ERCC6: variants seen among roughly 807,000 people sequenced by gnomAD.
The protein encoded by ERCC6 is ERCC excision repair 6, chromatin remodeling factor.
Under a neutral mutation model 158.7 loss-of-function variants are expected in ERCC6, and 116 were observed. The ratio of observed to expected loss-of-function variants is 0.73; its 90% CI spans 0.63 to 0.85. ERCC6 has a LOEUF of 0.85. Ranked by LOEUF, ERCC6 falls within the 40% of genes least tolerant of loss-of-function variation. The probability of loss-of-function intolerance (pLI) is 0.00; values close to 1 mark genes in which losing one functional copy is unlikely to be tolerated. For synonymous variants in ERCC6, 678 were observed against 659.3 expected (o/e 1.03, Z -0.43); for missense variants, 1,698 against 1,799.4 (o/e 0.94, Z 1.02).
chr10:49,533,067 CA>C, intron 1 of ERCC6, 89 bp from the exon 2 acceptor site: 3 of 1,435,216 alleles, frequency 2.1e-6, no homozygotes, highest in Admixed American at 4.4e-5. Flanking sequence ...ACTGATTTCT[CA>C]AAAGATCAAG....
intron 1 of ERCC6, among the ~76,000 whole-genome samples, chr10:49,535,144 A>G (rs1412164606): frequency 6.6e-6 from 1 of 152,258 alleles, no homozygotes; most frequent in Non-Finnish European, 1.5e-5. Flanking sequence ...AGTCTAAAAT[A>G]ATAAAAAGTT....
At chr10:49,487,848 A>G (rs1038160279) in intron 8 of ERCC6, among the ~76,000 whole-genome samples, 1 of 152,272 alleles carries the variant, frequency 6.6e-6, no homozygotes, top group African/African-American at 2.4e-5. Context: ...ATTAACAAGA[A>G]TTAAAAAGAT....
chr10:49,493,384 G>A, intron 7 of ERCC6, 132 bp from the exon 8 acceptor site: 1 of 1,149,394 alleles, frequency 8.7e-7, no homozygotes. Flanking sequence ...GAAATTTATT[G>A]ATATTTTCTT....
chr10:49,446,245 ACACACACACACACC>A, the ERCC6 span, among the ~76,000 whole-genome samples: 10 of 134,708 alleles, frequency 7.4e-5, no homozygotes, highest in East Asian at 1.2e-3. Context: ...ACACACACAC[ACACACACACACACC>A]CCCCAATTTA....
the ERCC6 span, among the ~76,000 whole-genome samples, chr10:49,436,016 GAA>G: frequency 0.11 from 12,039 of 106,418 alleles, 569 homozygotes; most frequent in Non-Finnish European, 0.16. Context: ...AAGAAAGAAA[GAA>G]AAAAAAAAAA....
Position 49,493,189 on chromosome 10 carries a change from C to G in ERCC6, c.1749G>C (p.Lys583Asn). Residue 583 changes from lysine to asparagine, a missense_variant, in exon 8 of 21, where the codon AAG becomes AAC. Transcript: ENST00000355832. Reference protein sequence around the residue: ...CPTTVMHQWVKEFHTWWPPFR... With the variant: ...CPTTVMHQWVNEFHTWWPPFR... ...ACGGAGGCCACCACGTGTGAAATTC[C>G]TTCACCCACTGATGCATCACTGTTG... The G allele has an allele frequency of 6.2e-7, 1 of 1,614,078 alleles. No homozygotes were observed. Among genetic ancestry groups the G allele is most frequent in the Non-Finnish European group, 8.5e-7 (1 of 1,179,980 alleles).
At chr10:49,499,845 G>A (rs1350502751) in intron 7 of ERCC6, among the ~76,000 whole-genome samples, 1 of 152,142 alleles carries the variant, frequency 6.6e-6, no homozygotes, top group Admixed American at 6.6e-5. Context: ...TTTCTAAAGA[G>A]AATAAAGATT....
Position 49,532,701 on chromosome 10 carries a change from C to T in ERCC6, c.264G>A (p.Gln88=). The T allele has an allele frequency of 6.2e-7, 1 of 1,614,222 alleles. No individual in the cohort carries two copies. The highest frequency in any genetic ancestry group is 1.1e-5 in the South Asian group (1 of 91,092). Residue 88 remains glutamine (Q), a synonymous_variant, in exon 2 of 21, where the codon CAG becomes CAA. Coordinates refer to ENST00000355832, the MANE Select transcript of ERCC6 (RefSeq NM_000124.4). ...HQIQAVEPSA[Q]ALELQGLGVD... ...CACCCAAACCCTGCAGCTCAAGGGC[C>T]TGGGCGCTAGGCTCTACTGCCTGGA...
At chr10:49,512,588 A>G (rs1836839482) in intron 5 of ERCC6, among the ~76,000 whole-genome samples, 1 of 152,238 alleles carries the variant, frequency 6.6e-6, no homozygotes, top group Non-Finnish European at 1.5e-5. Context: ...TGTAACAGCT[A>G]ATGATTTTAC....
At position 49,460,361 on chromosome 10, in the gene ERCC6, T is replaced by TAGGTA; in HGVS notation, c.4062+11_4062+12insTACCT. 6.3e-7 allele frequency: 1 copy of TAGGTA among 1,592,572 alleles called. No individual in the cohort carries two copies. Reference sequence around the variant, plus strand: ...GTCTCACCCTGGAAAGCAAAAAGGTTATCTATATTACCTGGCACTTCTCTG... The same window carrying TAGGTA: ...GTCTCACCCTGGAAAGCAAAAAGGTTAGGTAATCTATATTACCTGGCACTTCTCTG... On this transcript the variant is annotated intron_variant, in intron 20 of 20. Coordinates refer to ENST00000355832, the MANE Select transcript of ERCC6 (RefSeq NM_000124.4).
intron 1 of ERCC6, 44 bp downstream of exon 1, chr10:49,538,918 G>C (rs539281524): frequency 6.5e-6 from 1 of 152,752 alleles, no homozygotes; most frequent in South Asian, 2.1e-4. Flanking sequence ...GCTGGGCCCC[G>C]ACACCCCCTG....
chr10:49,473,358 G>C (rs959743457), intron 14 of ERCC6, 119 bp downstream of exon 14: 13 of 818,090 alleles, frequency 1.6e-5, no homozygotes, highest in Admixed American at 8.8e-5. Flanking sequence ...CTCCCCTTAG[G>C]CCCCCTCCCA....
In ERCC6 at chr10:49,460,459, AG is replaced by A; in HGVS notation, c.3984-9del. 1 of 1,594,588 alleles carries A rather than the reference AG, an allele frequency of 6.3e-7. No individual in the cohort carries two copies. Among genetic ancestry groups the A allele is most frequent in the Non-Finnish European group, 8.6e-7 (1 of 1,162,284 alleles). On this transcript the variant is annotated splice_polypyrimidine_tract_variant and intron_variant, in intron 19 of 20. Transcript: ENST00000355832. The stretch of plus-strand genomic sequence containing the variant: ...TTCTTACCAAATCTACTCCTAAAAA[AG>A]GAAAAGCATCACAGTAGATTAAATG...
chr10:49,532,944 G>A lies in ERCC6; in HGVS notation c.21C>T (p.Pro7=). Residue 7 remains proline (P), a synonymous_variant, in exon 2 of 21, where the codon CCC becomes CCT. Coordinates refer to ENST00000355832, the MANE Select transcript of ERCC6 (RefSeq NM_000124.4). MPNEGI[P]HSSQTQEQDC... Reference sequence around the variant, plus strand: ...CTTGCTCCTGAGTTTGACTTGAGTGGGGGATTCCCTCATTTGGCATTCTCT... The same window carrying A: ...CTTGCTCCTGAGTTTGACTTGAGTGAGGGATTCCCTCATTTGGCATTCTCT... 1 of 1,614,188 alleles carries A rather than the reference G, an allele frequency of 6.2e-7. No individual in the cohort carries two copies. The highest frequency in any genetic ancestry group is 8.5e-7 in the Non-Finnish European group (1 of 1,180,038).
At position 49,461,509 on chromosome 10, in the gene ERCC6, T is replaced by G. The variant is rs1311037216; in HGVS notation, c.3826A>C (p.Ser1276Arg). 6.2e-7 allele frequency: 1 copy of G among 1,614,194 alleles called. No homozygotes were observed. Residue 1276 changes from serine (S) to arginine (R), a missense_variant, in exon 19 of 21, where the codon AGC (serine) becomes CGC (arginine). By Grantham distance (110) the Ser-to-Arg change is moderately radical (BLOSUM62 -1). Transcript: ENST00000355832. ...MKHDAIMDGA[S>R]PDYVLVEAEA... ...GCCTCCACCAGTACATAATCTGGGC[T>G]GGCTCCATCCATGATGGCATCGTGC...
intron 5 of ERCC6, among the ~76,000 whole-genome samples, chr10:49,513,281 A>C (rs1436798936): frequency 6.6e-6 from 1 of 152,102 alleles, no homozygotes; most frequent in Admixed American, 6.6e-5. Flanking sequence ...CTGCCTCCTT[A>C]AGGAAAGTCA....
chr10:49,471,227 G>T, intron 16 of ERCC6, 107 bp from the exon 17 acceptor site: 2 of 1,095,494 alleles, frequency 1.8e-6, no homozygotes, highest in Non-Finnish European at 2.7e-6. Flanking sequence ...CTGCATGAAT[G>T]GCTAAATAAT....
intron 5 of ERCC6, among the ~76,000 whole-genome samples, chr10:49,512,221 C>T (rs953692858): frequency 3.3e-5 from 5 of 152,160 alleles, no homozygotes; most frequent in African/African-American, 1.2e-4. Context: ...CAGGACATTC[C>T]AGTCAGGACA....
intron 3 of ERCC6, among the ~76,000 whole-genome samples, 193 bp from the exon 4 acceptor site, chr10:49,528,718 G>A (rs1259026308): frequency 1.3e-5 from 2 of 152,046 alleles, no homozygotes; most frequent in Non-Finnish European, 2.9e-5. Context: ...GGAGTAAAGG[G>A]GCCGTGAATA....
Sources: allele counts gnomAD v4.1 joint callset (sites outside exome capture counted in the v4.1 genomes callset), GRCh38; gene constraint gnomAD v4.1.1; transcripts MANE v1.5; gene names NCBI Gene and HGNC (gene_info 2026-07-23, HGNC 2026-07-21).